The following SIPA1L1 variants were observed in gnomAD, a reference collection of about 807,000 sequenced individuals.
SIPA1L1 encodes signal induced proliferation associated 1 like 1.
SIPA1L1 carries 26 observed loss-of-function variants against 162.7 expected under a neutral mutation model. The observed-to-expected ratio is 0.16, with a 90% confidence interval of 0.12 to 0.22. The LOEUF is 0.22. Among genes scored for constraint, SIPA1L1 ranks in the 10% least tolerant of loss-of-function variants. SIPA1L1 has a pLI of 1.00. For synonymous variants in SIPA1L1, 829 were observed against 837.4 expected, an observed-to-expected ratio of 0.99 and a Z score of 0.17; for missense variants, 1,874 against 2,241.0, an observed-to-expected ratio of 0.84 and a Z score of 3.31.
chr14:71,454,496 A>G (rs1048219238), intron 2 of SIPA1L1, among the ~76,000 whole-genome samples: 3 of 152,206 alleles, frequency 2.0e-5, no homozygotes, highest in Admixed American at 6.5e-5. Context: ...TTTTAATTAA[A>G]GCATCTAATT....
chr14:71,561,348 G>C (rs1383348175), intron 4 of SIPA1L1, among the ~76,000 whole-genome samples: 1 of 151,998 alleles, frequency 6.6e-6, no homozygotes, highest in African/African-American at 2.4e-5. Context: ...TTTTAATGTT[G>C]TATATTACTT....
chr14:71,587,181 C>A (rs1485641654), intron 4 of SIPA1L1, among the ~76,000 whole-genome samples: 6 of 152,080 alleles, frequency 3.9e-5, no homozygotes, highest in Non-Finnish European at 7.4e-5. Context: ...ATCTTATTCA[C>A]TTGGTTACAT....
At chr14:71,702,602 C>A (rs2082171870) in intron 15 of SIPA1L1, 97 bp downstream of exon 15, 1 of 1,067,114 alleles carries the variant, frequency 9.4e-7, no homozygotes, top group African/African-American at 1.6e-5. Flanking sequence ...AAAAGGTAGC[C>A]CTAGTTAATA....
rs201543623 is a variant in SIPA1L1 at position 71,589,060 on chromosome 14, A to G, written c.1188A>G (p.Gly396=). 10 of 1,614,110 alleles carry G rather than the reference A, an allele frequency of 6.2e-6. No homozygotes were observed. Among genetic ancestry groups the G allele is most frequent in the Non-Finnish European group, 7.6e-6 (9 of 1,179,988 alleles). Residue 396 remains glycine, a synonymous_variant, in exon 5 of 24, where the codon GGA becomes GGG. Transcript: ENST00000381232. ...MGSTEDLNSK[G]SLSMDQGDDK... ...GCACAGAGGACCTGAATTCCAAAGGAAGCCTCAGCATGGACCAGGGAGATG... is the reference window on the plus strand; with the variant it reads ...GCACAGAGGACCTGAATTCCAAAGGGAGCCTCAGCATGGACCAGGGAGATG...
chr14:71,334,804 T>C (rs2034917740), intron 2 of SIPA1L1, among the ~76,000 whole-genome samples: 1 of 152,160 alleles, frequency 6.6e-6, no homozygotes, highest in Admixed American at 6.5e-5. Context: ...TTCAGGCAGG[T>C]GAAATACATT....
chr14:71,700,973 G>C (rs1201344879), intron 14 of SIPA1L1, among the ~76,000 whole-genome samples: 3 of 105,804 alleles, frequency 2.8e-5, no homozygotes, highest in East Asian at 3.2e-4. Context: ...CCAGCCTAGG[G>C]GACAGAGCAA....
At chr14:71,684,119 T>C (rs2046053633) in intron 12 of SIPA1L1, among the ~76,000 whole-genome samples, 1 of 152,178 alleles carries the variant, frequency 6.6e-6, no homozygotes, top group Admixed American at 6.5e-5. Context: ...AAGAAGAAAG[T>C]ACTCCTTGGA....
At chr14:71,333,415 A>G (rs1002530364) in intron 2 of SIPA1L1, among the ~76,000 whole-genome samples, 2 of 152,358 alleles carry the variant, frequency 1.3e-5, no homozygotes, top group Non-Finnish European at 1.5e-5. Flanking sequence ...TCATGGCTTT[A>G]TAAAGTGATA....
chr14:71,625,785 T>C (rs559105916), intron 7 of SIPA1L1, among the ~76,000 whole-genome samples: 1 of 152,368 alleles, frequency 6.6e-6, no homozygotes, highest in Non-Finnish European at 1.5e-5. Context: ...ATTGATAATA[T>C]AGTCATATAC....
chr14:71,455,627 G>A lies in SIPA1L1; in HGVS notation c.-464-57116G>A, dbSNP rs1365134624. 2.0e-5 allele frequency among the ~76,000 whole-genome samples: 3 copies of A among 151,966 alleles called. 1 individual carries two copies. The South Asian group carries it at 6.2e-4, about 32-fold the overall frequency. On this transcript the variant is annotated intron_variant, in intron 2 of 23. Transcript: ENST00000381232. ...ATTATTTAATTTAATTTATATGTGGGACTTTGCTAAAGACTTTGGCATGTA... is the reference window on the plus strand; with the variant it reads ...ATTATTTAATTTAATTTATATGTGGAACTTTGCTAAAGACTTTGGCATGTA...
Position 71,709,282 on chromosome 14 carries a change from G to A in SIPA1L1, c.3826G>A (p.Ala1276Thr). The change falls in exon 17 of 24, where the codon GCC becomes ACC. Residue 1276 changes from alanine to threonine, a missense_variant. Transcript: ENST00000381232. Reference protein sequence around the residue: ...SNTLSSNASSAHSDEKWYDGD... With the variant: ...SNTLSSNASSTHSDEKWYDGD... ...TACTCTCTCCAGCAATGCGTCAAGT[G>A]CCCATAGTGATGAGAAGTGGTACGA... 1 of 1,614,188 alleles carries A rather than the reference G, an allele frequency of 6.2e-7. No individual in the cohort carries two copies.
chr14:71,626,018 A>G (rs1596487128), intron 7 of SIPA1L1, among the ~76,000 whole-genome samples: 1 of 152,226 alleles, frequency 6.6e-6, no homozygotes, highest in African/African-American at 2.4e-5. Flanking sequence ...CACATGGGAA[A>G]GATAAGAACA....
chr14:71,516,527 C>T (rs969522382), intron 3 of SIPA1L1, among the ~76,000 whole-genome samples: 2 of 152,136 alleles, frequency 1.3e-5, no homozygotes, highest in Admixed American at 6.6e-5. Flanking sequence ...GCTGGGACTA[C>T]TGGCATGTGT....
intron 2 of SIPA1L1, among the ~76,000 whole-genome samples, chr14:71,496,322 AATG>A (rs2049776127): frequency 6.6e-6 from 1 of 152,060 alleles, no homozygotes; most frequent in African/African-American, 2.4e-5. Context: ...AAATTGTATT[AATG>A]ATGATAATAA....
chr14:71,330,218 C>A, intron 2 of SIPA1L1: 1 of 625,666 alleles, frequency 1.6e-6, no homozygotes, highest in South Asian at 1.8e-5. Flanking sequence ...GGTTAGCTGT[C>A]TCCCCATCCT....
intron 7 of SIPA1L1, among the ~76,000 whole-genome samples, chr14:71,637,026 G>C (rs1212214023): frequency 3.4e-5 from 5 of 148,856 alleles, no homozygotes; most frequent in Non-Finnish European, 5.9e-5. Flanking sequence ...ACTCCAGCCT[G>C]AGTGACAGAA....
intron 5 of SIPA1L1, among the ~76,000 whole-genome samples, chr14:71,602,084 T>TTA (rs2036839269): frequency 6.6e-6 from 1 of 152,136 alleles, no homozygotes; most frequent in African/African-American, 2.4e-5. Context: ...TGTGATCTGT[T>TTA]ATTTCTTTCC....
In SIPA1L1 at chr14:71,476,928, A is replaced by G. The variant is rs149530549; in HGVS notation, c.-464-35815A>G. 3.4e-3 allele frequency among the ~76,000 whole-genome samples: 520 copies of G among 152,082 alleles called. 3 individuals are homozygous for G. Among genetic ancestry groups the G allele is most frequent in the Non-Finnish European group, 5.8e-3 (391 of 67,960 alleles). The stretch of plus-strand genomic sequence containing the variant: ...AATCTAAACACGTATAGACTTGTGT[A>G]ACTACCCCATAACTCTTCTACCTCG... On this transcript the variant is annotated intron_variant, in intron 2 of 23. Transcript: ENST00000381232.
chr14:71,650,590 C>T, intron 8 of SIPA1L1, 81 bp downstream of exon 8: 1 of 1,321,508 alleles, frequency 7.6e-7, no homozygotes, highest in Non-Finnish European at 1.1e-6. Context: ...ATCCGTAAAG[C>T]AACATTGCCA....
Sources: allele counts gnomAD v4.1 joint callset (sites outside exome capture counted in the v4.1 genomes callset), GRCh38; gene constraint gnomAD v4.1.1; transcripts MANE v1.5; gene names NCBI Gene and HGNC (gene_info 2026-07-23, HGNC 2026-07-21).